The following SLC44A5 variants were observed in gnomAD, a reference collection of about 807,000 sequenced individuals.
SLC44A5 encodes choline transporter-like protein 5.
A neutral mutation model predicts 101.8 loss-of-function variants in SLC44A5; 57 were observed. That is an observed-to-expected ratio of 0.56 (90% CI 0.45 to 0.70). The LOEUF is 0.70. Among genes scored for constraint, SLC44A5 ranks in the 30% least tolerant of loss-of-function variants. The pLI is 0.00. For missense variants in SLC44A5, 737 were observed against 853.1 expected (o/e 0.86, Z 1.70); for synonymous variants, 281 against 290.9 (o/e 0.97, Z 0.35).
At chr1:75,686,286 GAAT>G in the SLC44A5 span, among the ~76,000 whole-genome samples, 2 of 152,278 alleles carry the variant, frequency 1.3e-5, no homozygotes, top group East Asian at 3.9e-4. Flanking sequence ...ACATCACAAA[GAAT>G]AATAAAACAA....
At chr1:75,266,718 A>G (rs564989954) in intron 6 of SLC44A5, among the ~76,000 whole-genome samples, 104 of 152,350 alleles carry the variant, frequency 6.8e-4, no homozygotes, top group African/African-American at 2.2e-3. Context: ...TCATTTAACA[A>G]TGAATTTACT....
At chr1:75,425,035 TAA>T (rs1329514310) in intron 2 of SLC44A5, among the ~76,000 whole-genome samples, 1 of 152,202 alleles carries the variant, frequency 6.6e-6, no homozygotes, top group Non-Finnish European at 1.5e-5. Context: ...ATTTAAAAAA[TAA>T]ATATTTCACC....
At chr1:75,409,931 C>CATA (rs1663165510) in intron 2 of SLC44A5, among the ~76,000 whole-genome samples, 1 of 151,970 alleles carries the variant, frequency 6.6e-6, no homozygotes, top group Non-Finnish European at 1.5e-5. Flanking sequence ...TACATACATA[C>CATA]ATATATACTT....
the SLC44A5 span, among the ~76,000 whole-genome samples, chr1:75,661,650 C>A: frequency 6.6e-6 from 1 of 151,940 alleles, no homozygotes; most frequent in East Asian, 1.9e-4. Flanking sequence ...GGAACTCAAA[C>A]AACTCAACCA....
At chr1:75,331,743 G>A (rs1657072865) in intron 4 of SLC44A5, among the ~76,000 whole-genome samples, 3 of 152,056 alleles carry the variant, frequency 2.0e-5, no homozygotes, top group South Asian at 2.1e-4. Flanking sequence ...CCACCTTGCT[G>A]CACTCACACG....
the SLC44A5 span, among the ~76,000 whole-genome samples, chr1:75,721,512 G>C: frequency 1.5e-4 from 23 of 152,222 alleles, no homozygotes; most frequent in African/African-American, 5.5e-4. Flanking sequence ...GAAGCCAAAA[G>C]ATTGGACACT....
chr1:75,522,282 T>C (rs1374645207), intron 2 of SLC44A5: 3 of 152,022 alleles, frequency 2.0e-5, no homozygotes, highest in Non-Finnish European at 2.9e-5. Context: ...CAGTGTGTTA[T>C]GGCATGACGT....
At chr1:75,611,432 T>G (rs761074486), upstream of SLC44A5, among the ~76,000 whole-genome samples, 22 of 152,102 alleles carry the variant, frequency 1.4e-4, no homozygotes, top group Non-Finnish European at 2.8e-4. Context: ...AAGAAAATCA[T>G]CCAATATACC....
chr1:75,646,786 G>T, the SLC44A5 span, among the ~76,000 whole-genome samples: 1 of 152,132 alleles, frequency 6.6e-6, no homozygotes, highest in Non-Finnish European at 1.5e-5. Context: ...GCTGCATTTT[G>T]CCCATGCCCT....
intron 1 of SLC44A5, among the ~76,000 whole-genome samples, chr1:75,603,699 G>A (rs1001277527): frequency 2.4e-4 from 31 of 127,010 alleles, no homozygotes; most frequent in Admixed American, 1.3e-3. Flanking sequence ...ATGGTATCTC[G>A]TGATTTTTGA....
chr1:75,520,048 T>C (rs1357396883), intron 2 of SLC44A5, among the ~76,000 whole-genome samples: 1 of 152,228 alleles, frequency 6.6e-6, no homozygotes, highest in Non-Finnish European at 1.5e-5. Flanking sequence ...CAGAAACCCA[T>C]TTTTATCACA....
chr1:75,692,918 A>G, the SLC44A5 span, among the ~76,000 whole-genome samples: 5 of 152,166 alleles, frequency 3.3e-5, no homozygotes, highest in Admixed American at 6.5e-5. Flanking sequence ...GTTAGATGTA[A>G]GTGTGATGGA....
chr1:75,267,435 A>G (rs1354710940), intron 6 of SLC44A5, among the ~76,000 whole-genome samples: 1 of 152,208 alleles, frequency 6.6e-6, no homozygotes, highest in Admixed American at 6.5e-5. Flanking sequence ...TAGGAATATA[A>G]AAGTGATACA....
At chr1:75,690,760 A>T in the SLC44A5 span, among the ~76,000 whole-genome samples, 6 of 152,254 alleles carry the variant, frequency 3.9e-5, no homozygotes, top group South Asian at 1.2e-3. Flanking sequence ...TGGTGTAAAA[A>T]TGTGTGGGAC....
At chr1:75,690,010 G>A in the SLC44A5 span, among the ~76,000 whole-genome samples, 2 of 152,098 alleles carry the variant, frequency 1.3e-5, no homozygotes, top group Non-Finnish European at 2.9e-5. Flanking sequence ...CCCTTTCCAG[G>A]CAGGGCCAAC....
chr1:75,272,362 T>G (rs1278173194), intron 6 of SLC44A5, among the ~76,000 whole-genome samples: 2 of 151,884 alleles, frequency 1.3e-5, no homozygotes, highest in Non-Finnish European at 2.9e-5. Flanking sequence ...AATATTTTAT[T>G]TCTCACAAGA....
At chr1:75,500,016 T>C (rs1382163376) in intron 2 of SLC44A5, among the ~76,000 whole-genome samples, 1 of 152,158 alleles carries the variant, frequency 6.6e-6, no homozygotes, top group African/African-American at 2.4e-5. Flanking sequence ...CACGTGATGT[T>C]GAAAGCCACC....
Position 75,227,830 on chromosome 1 carries a change from G to A in SLC44A5, c.881C>T (p.Thr294Ile). 6.3e-7 allele frequency: 1 copy of A among 1,594,676 alleles called. No homozygotes were observed. Among genetic ancestry groups the A allele is most frequent in the Non-Finnish European group, 8.5e-7 (1 of 1,174,800 alleles). ...AGAACTTGGGCGTTCCTGAAGATTG[G>A]TGTACTGCTGGTAACAGTGCCATAT... ...YGIWHCYQQY[T>I]NLQERPSSVL... The change falls in exon 13 of 24, where the codon ACC becomes ATC. Residue 294 changes from threonine to isoleucine, a missense_variant. Physicochemically the swap from Thr to Ile is moderately conservative, Grantham distance 89. Coordinates refer to ENST00000370859, the MANE Select transcript of SLC44A5 (RefSeq NM_001130058.2).
chr1:75,546,638 A>C (rs549471518), intron 1 of SLC44A5, among the ~76,000 whole-genome samples: 2 of 152,286 alleles, frequency 1.3e-5, no homozygotes, highest in African/African-American at 4.8e-5. Flanking sequence ...TATGTTACTC[A>C]ACCATTTTCT....
Sources: gnomAD v4.1 joint callset for allele counts (sites outside exome capture counted in the v4.1 genomes callset) on GRCh38, gnomAD v4.1.1 for gene constraint, MANE v1.5 for transcripts, NCBI Gene and HGNC (gene_info 2026-07-23, HGNC 2026-07-21) for gene names.